Variants in AJAP1 observed in about 807,000 individuals in gnomAD.
AJAP1 encodes the protein adherens junctions associated protein 1.
Under a neutral mutation model 35.0 loss-of-function variants are expected in AJAP1, and 5 were observed. The observed-to-expected ratio is 0.14, with a 90% CI of 0.07 to 0.30. The LOEUF (loss-of-function observed/expected upper bound fraction) is 0.30. Ranked by LOEUF, AJAP1 falls within the 10% of genes least tolerant of loss-of-function variation. AJAP1 has a pLI of 1.00. For missense variants in AJAP1, 586 were observed against 571.0 expected, an observed-to-expected ratio of 1.03 and a Z score of -0.27; for synonymous variants, 284 against 249.3, an observed-to-expected ratio of 1.14 and a Z score of -1.31.
chr1:4,765,487 TGAA>T (rs1641663598), intron 2 of AJAP1, among the ~76,000 whole-genome samples: 1 of 151,752 alleles, frequency 6.6e-6, no homozygotes, highest in Non-Finnish European at 1.5e-5. Context: ...GAGACATGAG[TGAA>T]GAAGGAGAGA....
intron 1 of AJAP1, among the ~76,000 whole-genome samples, chr1:4,660,452 C>T (rs532563386): frequency 1.0e-3 from 159 of 151,812 alleles, no homozygotes; most frequent in Non-Finnish European, 1.7e-3. Context: ...TGTCGTTTTG[C>T]AAATGTTACC....
In AJAP1 at chr1:4,792,419, A is replaced by G. The variant is rs1642260669; in HGVS notation, c.*9934A>G. ...TTTTTTAAGTTGTTTCTGTATTTCA[A>G]AGCTATGTATTTGGAAAACATTGTA... On this transcript the variant is annotated 3_prime_UTR_variant, in exon 6 of 6. Transcript: ENST00000378191. 6.6e-6 allele frequency: 1 copy of G among 151,696 alleles called. No homozygotes were observed. The highest frequency in any genetic ancestry group is 6.6e-5 in the Admixed American group (1 of 15,220). The allele number at this position is 151,696 out of a possible 1,614,324, so 9.4% of individuals were successfully genotyped here.
At chr1:4,772,986 G>A (rs910836630) in intron 4 of AJAP1, among the ~76,000 whole-genome samples, 7 of 152,078 alleles carry the variant, frequency 4.6e-5, no homozygotes, top group East Asian at 1.9e-4. Flanking sequence ...CTCCCAGACC[G>A]GAAGTACGTT....
At position 4,693,877 on chromosome 1, in the gene AJAP1, C is replaced by A. The variant is rs1422290826; in HGVS notation, c.30-18023C>A. 6.6e-6 allele frequency among the ~76,000 whole-genome samples: 1 copy of A among 152,184 alleles called. No individual in the cohort carries two copies. Among genetic ancestry groups the A allele is most frequent in the African/African-American group, 2.4e-5 (1 of 41,448 alleles). The stretch of plus-strand genomic sequence containing the variant: ...ATTCAGCCATTCAAGGGGGCAGAGC[C>A]TTCAGGGCCCCCTCACCTCTTACAG... On this transcript the variant is annotated intron_variant, in intron 1 of 5. Coordinates refer to ENST00000378191, the MANE Select transcript of AJAP1 (RefSeq NM_018836.4). This position sits in a 1 kb window ranked among gnomAD's most constrained non-coding sequence, Gnocchi z 4.4.
intron 2 of AJAP1, among the ~76,000 whole-genome samples, chr1:4,759,413 G>A (rs1641514247): frequency 6.6e-6 from 1 of 152,170 alleles, no homozygotes; most frequent in Admixed American, 6.5e-5. Context: ...TGGCCTCTGG[G>A]GCTGGAAGCT....
intron 1 of AJAP1, among the ~76,000 whole-genome samples, chr1:4,661,039 G>C (rs1231331395): frequency 6.6e-6 from 1 of 152,142 alleles, no homozygotes; most frequent in Non-Finnish European, 1.5e-5. Context: ...TCTAGATCAG[G>C]GAAACATGAG....
Position 4,706,343 on chromosome 1 carries a change from G to A in AJAP1, c.30-5557G>A, listed in dbSNP as rs79531714. On this transcript the variant is annotated intron_variant, in intron 1 of 5. Coordinates refer to ENST00000378191, the MANE Select transcript of AJAP1 (RefSeq NM_018836.4). ...CTTCAACGAGGAGGCGGAGACCTCA[G>A]AGCCCACCTGCCCCAACTTACTGGT... is the stretch of plus-strand genomic sequence containing the variant. 6.8e-4 allele frequency among the ~76,000 whole-genome samples: 104 copies of A among 152,322 alleles called. 1 individual carries two copies. In the East Asian group the frequency reaches 0.017, roughly 25 times the overall value.
At chr1:4,683,202 A>T (rs914400219) in intron 1 of AJAP1, among the ~76,000 whole-genome samples, 2 of 152,228 alleles carry the variant, frequency 1.3e-5, no homozygotes, top group Non-Finnish European at 2.9e-5. Context: ...TAATAGCAAC[A>T]TCTGTCCTTC....
intron 2 of AJAP1, among the ~76,000 whole-genome samples, chr1:4,735,134 G>T (rs150315127): frequency 6.6e-6 from 1 of 152,214 alleles, no homozygotes; most frequent in East Asian, 1.9e-4. Flanking sequence ...CCGCACCAGC[G>T]GCAGGAGCAC....
chr1:4,781,988 G>A (rs975939048), intron 5 of AJAP1, among the ~76,000 whole-genome samples: 5 of 152,212 alleles, frequency 3.3e-5, no homozygotes, highest in East Asian at 1.9e-4. Flanking sequence ...CCTCTGGGGA[G>A]ATGTGGGAGG....
At chr1:4,661,050 C>T (rs1638988219) in intron 1 of AJAP1, among the ~76,000 whole-genome samples, 1 of 152,160 alleles carries the variant, frequency 6.6e-6, no homozygotes, top group Non-Finnish European at 1.5e-5. Context: ...GAAACATGAG[C>T]CTCAAGCTTG....
intron 2 of AJAP1, among the ~76,000 whole-genome samples, chr1:4,715,546 A>G (rs964664359): frequency 9.9e-5 from 15 of 152,172 alleles, no homozygotes; most frequent in Admixed American, 7.9e-4. Flanking sequence ...TTAACCTGGT[A>G]TGGTGGCACA....
intron 2 of AJAP1, among the ~76,000 whole-genome samples, chr1:4,753,650 G>A (rs532913266): frequency 8.5e-5 from 13 of 152,218 alleles, no homozygotes; most frequent in African/African-American, 2.9e-4. Context: ...TCAGCTCACC[G>A]CAACCTCCGC....
intron 1 of AJAP1, among the ~76,000 whole-genome samples, chr1:4,685,594 G>A (rs1311043055): frequency 1.3e-5 from 2 of 152,168 alleles, no homozygotes; most frequent in South Asian, 2.1e-4. Context: ...ATCACCCAGC[G>A]CAGTGTCTTG....
At chr1:4,745,491 A>C (rs1008150261) in intron 2 of AJAP1, among the ~76,000 whole-genome samples, 37 of 152,202 alleles carry the variant, frequency 2.4e-4, no homozygotes, top group Non-Finnish European at 5.3e-4. Flanking sequence ...TCCGCTCCAC[A>C]GAAGGAGGGG....
At chr1:4,659,370 G>A (rs1638952134) in intron 1 of AJAP1, among the ~76,000 whole-genome samples, 1 of 152,202 alleles carries the variant, frequency 6.6e-6, no homozygotes, top group Non-Finnish European at 1.5e-5. Flanking sequence ...GGAGGAGACA[G>A]GAGCAGGGGC....
At chr1:4,673,895 A>G (rs1048031527) in intron 1 of AJAP1, among the ~76,000 whole-genome samples, 4 of 151,990 alleles carry the variant, frequency 2.6e-5, no homozygotes, top group African/African-American at 9.7e-5. Context: ...TCTCCGTGAA[A>G]TGAATTGAAC....
intron 1 of AJAP1, among the ~76,000 whole-genome samples, chr1:4,684,474 T>C (rs1639557118): frequency 6.6e-6 from 1 of 152,128 alleles, no homozygotes; most frequent in Admixed American, 6.5e-5. Flanking sequence ...GGCGGCCTTG[T>C]GGCCAGCCTG....
intron 2 of AJAP1, among the ~76,000 whole-genome samples, chr1:4,768,534 G>C (rs976648106): frequency 3.9e-5 from 6 of 152,218 alleles, no homozygotes; most frequent in African/African-American, 1.4e-4. Flanking sequence ...GAAAAATCTT[G>C]ACACTGAAAC....
Sources: allele counts gnomAD v4.1 joint callset (sites outside exome capture counted in the v4.1 genomes callset), GRCh38; gene constraint gnomAD v4.1.1; non-coding constraint Gnocchi (gnomAD v3.1); transcripts MANE v1.5; gene names NCBI Gene and HGNC (gene_info 2026-07-23, HGNC 2026-07-21).